The following GRAMD1B variants were observed in gnomAD, a reference collection of about 807,000 sequenced individuals.
GRAMD1B encodes the protein protein Aster-B.
A neutral mutation model predicts 99.7 loss-of-function variants in GRAMD1B; 37 were observed. The observed-to-expected ratio is 0.37, with a 90% CI of 0.29 to 0.49. GRAMD1B has a LOEUF of 0.49. Ranked by LOEUF, GRAMD1B falls within the 20% of genes least tolerant of loss-of-function variation. GRAMD1B has a pLI of 0.98. For missense variants in GRAMD1B, 888 were observed against 1,009.2 expected, an observed-to-expected ratio of 0.88 and a Z score of 1.63; for synonymous variants, 427 against 387.6, an observed-to-expected ratio of 1.10 and a Z score of -1.19.
intron 2 of GRAMD1B, among the ~76,000 whole-genome samples, chr11:123,548,291 AATATATATATATATATATATATAT>A (rs139996126): frequency 5.9e-4 from 44 of 75,152 alleles, no homozygotes; most frequent in African/African-American, 7.6e-4. Flanking sequence ...GCTGTGCCAA[AATATATATATATATATATATATAT>A]ATATATATAT....
intron 19 of GRAMD1B, among the ~76,000 whole-genome samples, chr11:123,622,290 T>A (rs1955224400): frequency 6.6e-6 from 1 of 152,218 alleles, no homozygotes. Context: ...CCCAAAGTGC[T>A]GGGATTACAG....
At position 123,415,089 on chromosome 11, in the gene GRAMD1B, T is replaced by G. The variant is rs191179709; in HGVS notation, c.-176+56290T>G. Among the ~76,000 whole-genome samples, 21 of 141,878 alleles carry G rather than the reference T, an allele frequency of 1.5e-4. No homozygotes were observed. The East Asian group carries it at 4.2e-3, about 28-fold the overall frequency. The allele number at this position is 141,878 out of a possible 152,430, so 93.1% of individuals were successfully genotyped here. A position where few individuals can be genotyped will look rare whatever the true frequency, so the allele number is the denominator to read the frequency against. Reference sequence around the variant, plus strand: ...CTTTTTTTTCTTTTTTCTTTTCTTTTTCTTTCTTTTTTTTTTTTTTTTTTT... The same window carrying G: ...CTTTTTTTTCTTTTTTCTTTTCTTTGTCTTTCTTTTTTTTTTTTTTTTTTT... On this transcript the variant is annotated intron_variant, in intron 1 of 20. Coordinates refer to the GRAMD1B transcript ENST00000638157.
At position 123,606,710 on chromosome 11, in the gene GRAMD1B, C is replaced by T. The variant is rs373474951; in HGVS notation, c.1425C>T (p.Ile475=). Reference sequence around the variant, plus strand: ...TCATGGGGGAGAAGATTGAGATGATCGCTCCTGTGAACTCCCCTTCACTGG... The same window carrying T: ...TCATGGGGGAGAAGATTGAGATGATTGCTCCTGTGAACTCCCCTTCACTGG... ...DNIMGEKIEM[I]APVNSPSLDF... The change falls in exon 11 of 20, where the codon ATC becomes ATT. Residue 475 remains isoleucine, a synonymous_variant. Coordinates refer to ENST00000635736, the MANE Select transcript of GRAMD1B (RefSeq NM_001387025.1). The T allele has an allele frequency of 1.6e-4, 257 of 1,613,442 alleles. No individual in the cohort carries two copies. The highest frequency in any genetic ancestry group is 2.0e-4 in the Non-Finnish European group (234 of 1,179,576).
intron 1 of GRAMD1B, among the ~76,000 whole-genome samples, chr11:123,440,979 T>C (rs1189339072): frequency 6.6e-6 from 1 of 152,208 alleles, no homozygotes; most frequent in Non-Finnish European, 1.5e-5. Flanking sequence ...GCACAAGCCC[T>C]CTTCTCTTGT....
chr11:123,552,463 C>T (rs183633076), intron 2 of GRAMD1B, among the ~76,000 whole-genome samples: 92 of 151,826 alleles, frequency 6.1e-4, no homozygotes, highest in African/African-American at 1.9e-3. Flanking sequence ...TTAGTAGAGA[C>T]GGGGTTTCAC....
At chr11:123,604,922 C>A (rs1442859086) in intron 9 of GRAMD1B, among the ~76,000 whole-genome samples, 5 of 152,190 alleles carry the variant, frequency 3.3e-5, no homozygotes, top group African/African-American at 1.2e-4. Context: ...TGTCCAGAGT[C>A]CTGTCTTCGT....
intron 1 of GRAMD1B, among the ~76,000 whole-genome samples, chr11:123,362,798 C>G (rs1946188999): frequency 6.6e-6 from 1 of 152,074 alleles, no homozygotes. Context: ...TGGAAGAGAG[C>G]AATTCCTAGA....
chr11:123,582,707 A>G (rs985994572), intron 3 of GRAMD1B, among the ~76,000 whole-genome samples: 2 of 152,232 alleles, frequency 1.3e-5, no homozygotes, highest in African/African-American at 4.8e-5. Context: ...TACAGAGTTC[A>G]GGTGGAATGG....
chr11:123,432,297 C>T (rs907905373), intron 1 of GRAMD1B, among the ~76,000 whole-genome samples: 3 of 152,138 alleles, frequency 2.0e-5, no homozygotes, highest in African/African-American at 7.2e-5. Context: ...TGGCTCACAC[C>T]TGTAATCCCA....
intron 2 of GRAMD1B, among the ~76,000 whole-genome samples, chr11:123,534,894 C>T (rs1311017260): frequency 6.6e-6 from 1 of 151,736 alleles, no homozygotes; most frequent in Non-Finnish European, 1.5e-5. Flanking sequence ...GAGGGGGTCT[C>T]AGGCAAAGGA....
chr11:123,608,483 G>A lies in GRAMD1B; in HGVS notation c.1514-176G>A, dbSNP rs745897973. ...TGCATCCCAGCAAAAGAAAGAGACC[G>A]AAAGCAAAGTCATAAACCATGCCCA... On this transcript the variant is annotated intron_variant, in intron 11 of 19. Transcript: ENST00000635736. 3.6e-5 allele frequency: 55 copies of A among 1,523,824 alleles called. No individual in the cohort carries two copies. In the Admixed American group the frequency reaches 7.2e-4, roughly 20 times the overall value. 94.4% of individuals were successfully genotyped at this position (1,523,824 alleles called of 1,614,324 possible). A position where few individuals can be genotyped will look rare whatever the true frequency, so the allele number is the denominator to read the frequency against.
intron 1 of GRAMD1B, among the ~76,000 whole-genome samples, chr11:123,371,574 T>C (rs1266661718): frequency 6.6e-6 from 1 of 152,160 alleles, no homozygotes; most frequent in Non-Finnish European, 1.5e-5. Flanking sequence ...ATACCTCCAC[T>C]CCAGCCAATT....
chr11:123,463,590 A>G (rs12788072), intron 1 of GRAMD1B, among the ~76,000 whole-genome samples: 20,221 of 152,306 alleles, frequency 0.13, 1,547 homozygotes, highest in Non-Finnish European at 0.17. Context: ...CTCACTGGTA[A>G]TAACTGTGCC....
intron 2 of GRAMD1B, among the ~76,000 whole-genome samples, chr11:123,501,414 C>G (rs1412689754): frequency 6.6e-6 from 1 of 151,872 alleles, no homozygotes; most frequent in Non-Finnish European, 1.5e-5. Context: ...CAAGTGATCC[C>G]CCTGCCTAGG....
intron 1 of GRAMD1B, 42 bp from the exon 2 acceptor site, chr11:123,480,774 A>G (rs1278915283): frequency 1.3e-5 from 5 of 398,858 alleles, no homozygotes; most frequent in Non-Finnish European, 2.2e-5. Context: ...GGGTTGAGAA[A>G]GAAGCTGAAG....
intron 2 of GRAMD1B, among the ~76,000 whole-genome samples, chr11:123,576,977 T>C (rs1321595643): frequency 6.6e-6 from 1 of 152,270 alleles, no homozygotes; most frequent in Non-Finnish European, 1.5e-5. Flanking sequence ...ATTTGCAGTA[T>C]GTATAAAATG....
chr11:123,538,467 A>T (rs1944179934), intron 2 of GRAMD1B, among the ~76,000 whole-genome samples: 1 of 152,140 alleles, frequency 6.6e-6, no homozygotes, highest in African/African-American at 2.4e-5. Context: ...TTTAATTTGC[A>T]GCTATTACCA....
At chr11:123,450,723 A>T (rs1359773746) in intron 1 of GRAMD1B, among the ~76,000 whole-genome samples, 3 of 152,176 alleles carry the variant, frequency 2.0e-5, no homozygotes, top group Non-Finnish European at 4.4e-5. Context: ...GTGGGACTTC[A>T]TTGGATTTGT....
intron 1 of GRAMD1B, among the ~76,000 whole-genome samples, chr11:123,363,105 A>G (rs758520891): frequency 2.0e-5 from 3 of 152,138 alleles, no homozygotes; most frequent in Non-Finnish European, 1.5e-5. Flanking sequence ...CCTTGCTTTC[A>G]GGTTTTTTCT....
Sources: gnomAD v4.1 joint callset for allele counts (sites outside exome capture counted in the v4.1 genomes callset) on GRCh38, gnomAD v4.1.1 for gene constraint, MANE v1.5 for transcripts, NCBI Gene and HGNC (gene_info 2026-07-23, HGNC 2026-07-21) for gene names.